Variants in FOXN3 observed in about 807,000 individuals in gnomAD.
FOXN3 encodes the protein forkhead box protein N3.
In FOXN3, 7 loss-of-function variants were observed where a neutral mutation model predicts 38.4. The observed-to-expected ratio is 0.18, with a 90% CI of 0.10 to 0.34. The LOEUF is 0.34. Ranked by LOEUF, FOXN3 falls within the 10% of genes least tolerant of loss-of-function variation. FOXN3 has a pLI of 1.00. For synonymous variants in FOXN3, 230 were observed against 242.2 expected (o/e 0.95, Z 0.47); for missense variants, 456 against 613.4 (o/e 0.74, Z 2.71).
At chr14:89,273,254 C>T (rs1296362604) in intron 4 of FOXN3, among the ~76,000 whole-genome samples, 1 of 152,178 alleles carries the variant, frequency 6.6e-6, no homozygotes, top group Admixed American at 6.5e-5. Context: ...CCTCAGTTTC[C>T]ACCTCCTACT....
chr14:89,382,569 A>C (rs1890678168), intron 2 of FOXN3, among the ~76,000 whole-genome samples: 1 of 152,156 alleles, frequency 6.6e-6, no homozygotes, highest in Non-Finnish European at 1.5e-5. Flanking sequence ...CCCCACCCAC[A>C]AATGCCCTTT....
intron 2 of FOXN3, among the ~76,000 whole-genome samples, chr14:89,367,101 G>A (rs1890181720): frequency 6.6e-6 from 1 of 152,086 alleles, no homozygotes. Flanking sequence ...CAGACACTGG[G>A]TTGTTTGGTG....
At chr14:89,519,964 G>A (rs1203747003) in intron 1 of FOXN3, among the ~76,000 whole-genome samples, 1 of 151,880 alleles carries the variant, frequency 6.6e-6, no homozygotes, top group Non-Finnish European at 1.5e-5. Context: ...TTGAAAGAAA[G>A]GAACAGCACT....
In FOXN3 at chr14:89,412,528, G is replaced by A; in HGVS notation, c.-14-38C>T. On this transcript the variant is annotated intron_variant, in intron 1 of 5. Coordinates refer to ENST00000557258, the MANE Select transcript of FOXN3 (RefSeq NM_005197.4). The surrounding 1 kb of genome is among the most constrained non-coding windows in gnomAD (Gnocchi z 4.7). ...TCACAAAGAAATGATGAGCTGGCGA[G>A]GCCCAAAACAGAAAGGCAGACTGTA... The A allele has an allele frequency of 6.6e-7, 1 of 1,525,644 alleles. No homozygotes were observed. The highest frequency in any genetic ancestry group is 8.8e-7 in the Non-Finnish European group (1 of 1,130,924). 94.5% of individuals were successfully genotyped at this position (1,525,644 alleles called of 1,614,324 possible).
chr14:89,590,926 G>C (rs993247557), intron 1 of FOXN3, among the ~76,000 whole-genome samples: 1 of 152,128 alleles, frequency 6.6e-6, no homozygotes, highest in East Asian at 1.9e-4. Context: ...GAATCTGAAC[G>C]GTCAGGCCTT....
intron 4 of FOXN3, among the ~76,000 whole-genome samples, chr14:89,202,244 G>T (rs1410231148): frequency 6.6e-6 from 1 of 152,078 alleles, no homozygotes; most frequent in Non-Finnish European, 1.5e-5. Flanking sequence ...ATTTAAAAAG[G>T]AACTATGGAG....
intron 1 of FOXN3, among the ~76,000 whole-genome samples, chr14:89,592,754 C>A (rs1237777104): frequency 6.6e-6 from 1 of 152,006 alleles, no homozygotes; most frequent in African/African-American, 2.4e-5. Context: ...TAACAAAACA[C>A]CAAATGTAGC....
chr14:89,236,769 A>G (rs1275070591), intron 4 of FOXN3, among the ~76,000 whole-genome samples: 1 of 152,228 alleles, frequency 6.6e-6, no homozygotes, highest in East Asian at 1.9e-4. Context: ...TAAAGCCTCT[A>G]GTTTTCTGGC....
At chr14:89,590,580 C>T (rs1895929616) in intron 1 of FOXN3, among the ~76,000 whole-genome samples, 1 of 152,122 alleles carries the variant, frequency 6.6e-6, no homozygotes, top group African/African-American at 2.4e-5. Flanking sequence ...GGAAACAATA[C>T]AACAAAGTGG....
At chr14:89,411,079 C>G (rs1179326510) in intron 2 of FOXN3, among the ~76,000 whole-genome samples, 2 of 152,170 alleles carry the variant, frequency 1.3e-5, no homozygotes, top group Admixed American at 1.3e-4. Context: ...GCTCCACCTC[C>G]TGTCAGATCA....
chr14:89,247,503 G>C (rs547827163), intron 4 of FOXN3, among the ~76,000 whole-genome samples: 9 of 152,314 alleles, frequency 5.9e-5, no homozygotes, highest in Admixed American at 1.3e-4. Context: ...CCAGAATTAT[G>C]ATAAGGGGAC....
Position 89,338,250 on chromosome 14 carries a change from A to G in FOXN3, c.680+12422T>C, listed in dbSNP as rs1396472877. On this transcript the variant is annotated intron_variant, in intron 3 of 5. Coordinates refer to ENST00000557258, the MANE Select transcript of FOXN3 (RefSeq NM_005197.4). ...ACTGTAAAGGGGAGGAGGGTAGCCAATGATTTCTGGCATCCCAGAGCAACT... is the reference window on the plus strand; with the variant it reads ...ACTGTAAAGGGGAGGAGGGTAGCCAGTGATTTCTGGCATCCCAGAGCAACT... 2.6e-5 allele frequency among the ~76,000 whole-genome samples: 4 copies of G among 152,230 alleles called. 1 individual carries two copies. The highest frequency in any genetic ancestry group is 4.1e-4 in the South Asian group (2 of 4,834).
chr14:89,345,981 C>T (rs1416100071), intron 3 of FOXN3, among the ~76,000 whole-genome samples: 1 of 152,112 alleles, frequency 6.6e-6, no homozygotes, highest in African/African-American at 2.4e-5. Flanking sequence ...TGAACCTGAG[C>T]GGCAGAGATC....
At chr14:89,476,912 A>C (rs1893223991) in intron 1 of FOXN3, among the ~76,000 whole-genome samples, 1 of 152,118 alleles carries the variant, frequency 6.6e-6, no homozygotes, top group Non-Finnish European at 1.5e-5. Flanking sequence ...CAGGAGGGAG[A>C]AATAGAGAAG....
intron 1 of FOXN3, among the ~76,000 whole-genome samples, chr14:89,540,749 A>C (rs879291977): frequency 3.3e-5 from 5 of 152,094 alleles, no homozygotes; most frequent in Non-Finnish European, 7.4e-5. Context: ...AAAAAAAAAA[A>C]AAAAAGGAAA....
At chr14:89,417,248 AG>A, upstream of FOXN3, 1 of 140,986 alleles carries the variant, frequency 7.1e-6, no homozygotes, top group Non-Finnish European at 1.6e-5. Context: ...AGGCAGGAGG[AG>A]GGGAAGCGCG....
intron 2 of FOXN3, among the ~76,000 whole-genome samples, chr14:89,383,042 T>TG (rs1478396469): frequency 6.7e-6 from 1 of 149,644 alleles, no homozygotes; most frequent in Admixed American, 6.7e-5. Context: ...TTTTTTTTTT[T>TG]TTTTTTTTTT....
Position 89,411,940 on chromosome 14 carries a change from C to CCTCTCT in FOXN3, c.531_536dup (p.Glu178_Arg179dup). 1.4e-6 allele frequency: 2 copies of CCTCTCT among 1,479,394 alleles called. No homozygotes were observed. Among genetic ancestry groups the CCTCTCT allele is most frequent in the South Asian group, 3.0e-5 (2 of 67,306 alleles). 91.6% of individuals were successfully genotyped at this position (1,479,394 alleles called of 1,614,324 possible). ...TCCAGACACAGAGGCTTACCTGACT[C>CCTCTCT]CTCTCTTTGTCCACTTTCTTAAAAC... is the stretch of plus-strand genomic sequence containing the variant. On this transcript the variant is annotated inframe_insertion, in exon 2 of 6. Transcript: ENST00000557258.
chr14:89,511,469 T>A (rs1254374459), intron 1 of FOXN3, among the ~76,000 whole-genome samples: 1 of 151,488 alleles, frequency 6.6e-6, no homozygotes, highest in Non-Finnish European at 1.5e-5. Context: ...ACTTTAAAAA[T>A]TTTTTTGTAG....
Sources: allele counts gnomAD v4.1 joint callset (sites outside exome capture counted in the v4.1 genomes callset), GRCh38; gene constraint gnomAD v4.1.1; non-coding constraint Gnocchi (gnomAD v3.1); transcripts MANE v1.5; gene names NCBI Gene and HGNC (gene_info 2026-07-23, HGNC 2026-07-21).